Variants in SV2C observed in about 807,000 individuals in gnomAD.
SV2C encodes the protein solute carrier family 22 member B3.
SV2C carries 49 observed loss-of-function variants against 79.7 expected under a neutral mutation model. The observed-to-expected ratio is 0.61, with a 90% confidence interval of 0.49 to 0.78. The LOEUF is 0.78. Among genes scored for constraint, SV2C ranks in the 30% least tolerant of loss-of-function variants. The probability of loss-of-function intolerance (pLI) is 0.00; values close to 1 mark genes in which losing one functional copy is unlikely to be tolerated. For synonymous variants in SV2C, 334 were observed against 333.2 expected (o/e 1.00, Z -0.03); for missense variants, 833 against 912.9 (o/e 0.91, Z 1.13).
chr5:75,926,956 A>C, the SV2C span, among the ~76,000 whole-genome samples: 1 of 152,256 alleles, frequency 6.6e-6, no homozygotes, highest in East Asian at 1.9e-4. Context: ...TTTGAGGTTC[A>C]GAATGGGCTC....
chr5:76,032,422 A>G, the SV2C span, among the ~76,000 whole-genome samples: 4 of 151,526 alleles, frequency 2.6e-5, no homozygotes, highest in African/African-American at 4.9e-5. Context: ...AACAGTTCCC[A>G]GAGTGTGATG....
chr5:76,062,477 G>T, the SV2C span, among the ~76,000 whole-genome samples: 1 of 152,128 alleles, frequency 6.6e-6, no homozygotes, highest in African/African-American at 2.4e-5. Context: ...GCACCTTGAT[G>T]TTGGATTTTC....
intron 1 of SV2C, among the ~76,000 whole-genome samples, chr5:76,103,923 C>T (rs1045010158): frequency 3.9e-5 from 6 of 152,166 alleles, no homozygotes; most frequent in Non-Finnish European, 8.8e-5. Flanking sequence ...GAAAACAAAG[C>T]TACAGACCAA....
At chr5:76,251,047 T>G (rs576472282) in intron 4 of SV2C, among the ~76,000 whole-genome samples, 1 of 152,294 alleles carries the variant, frequency 6.6e-6, no homozygotes, top group East Asian at 1.9e-4. Context: ...TCAGGAGCAT[T>G]TCCCACATCT....
chr5:76,130,672 G>A (rs1370135083), intron 1 of SV2C, among the ~76,000 whole-genome samples: 1 of 152,102 alleles, frequency 6.6e-6, no homozygotes, highest in Non-Finnish European at 1.5e-5. Flanking sequence ...TTACCTTGAG[G>A]TCAGCCTGAA....
intron 3 of SV2C, among the ~76,000 whole-genome samples, chr5:76,196,827 A>G (rs530019419): frequency 7.2e-5 from 11 of 152,368 alleles, no homozygotes; most frequent in Admixed American, 5.2e-4. Flanking sequence ...TTAATTGCCA[A>G]TCTGGATTGA....
chr5:76,046,370 A>G, the SV2C span, among the ~76,000 whole-genome samples: 1 of 152,168 alleles, frequency 6.6e-6, no homozygotes, highest in Non-Finnish European at 1.5e-5. Flanking sequence ...GTGAATTCTG[A>G]AGGGGCTTCC....
intron 12 of SV2C, among the ~76,000 whole-genome samples, chr5:76,342,106 C>G (rs1037762748): frequency 1.3e-5 from 2 of 152,142 alleles, no homozygotes; most frequent in African/African-American, 4.8e-5. Flanking sequence ...GGGAGGGCCT[C>G]TGGCAGCCAG....
the SV2C span, among the ~76,000 whole-genome samples, chr5:75,858,243 T>C: frequency 6.6e-6 from 1 of 152,202 alleles, no homozygotes; most frequent in Non-Finnish European, 1.5e-5. Flanking sequence ...TGTGGGTCTA[T>C]TGTATATGGC....
At position 76,174,287 on chromosome 5, in the gene SV2C, C is replaced by A; in HGVS notation, c.581-20632C>A. 5.2e-6 allele frequency: 6 copies of A among 1,161,638 alleles called. No homozygotes were observed. In the Admixed American group the frequency reaches 1.2e-4, roughly 24 times the overall value. The allele number at this position is 1,161,638 out of a possible 1,614,324, so 72.0% of individuals were successfully genotyped here. On this transcript the variant is annotated intron_variant, in intron 2 of 12. Coordinates refer to ENST00000502798, the MANE Select transcript of SV2C (RefSeq NM_014979.4). ...GCTCCCCGCGGGTCGCTACTCTAGGCGCCACGGCGGTCCTGCCGCTGCCGC... is the reference window on the plus strand; with the variant it reads ...GCTCCCCGCGGGTCGCTACTCTAGGAGCCACGGCGGTCCTGCCGCTGCCGC...
the SV2C span, among the ~76,000 whole-genome samples, chr5:75,870,162 A>AC: frequency 1.3e-5 from 2 of 152,158 alleles, no homozygotes; most frequent in South Asian, 4.1e-4. Flanking sequence ...TGAACTAAAT[A>AC]AGGCACAAGG....
At chr5:76,154,153 T>G (rs992026566) in intron 2 of SV2C, among the ~76,000 whole-genome samples, 1 of 152,156 alleles carries the variant, frequency 6.6e-6, no homozygotes, top group African/African-American at 2.4e-5. Context: ...CATCTCCCAC[T>G]CATTGTCAAC....
At chr5:76,081,376 C>T (rs1746989089), upstream of SV2C, among the ~76,000 whole-genome samples, 1 of 152,156 alleles carries the variant, frequency 6.6e-6, no homozygotes, top group Non-Finnish European at 1.5e-5. Context: ...CAGTTGGAAG[C>T]TCAAATTTTT....
the SV2C span, among the ~76,000 whole-genome samples, chr5:75,867,569 A>T: frequency 6.6e-6 from 1 of 152,258 alleles, no homozygotes; most frequent in Non-Finnish European, 1.5e-5. Flanking sequence ...TCAGAGATAC[A>T]AATGCATAAT....
the SV2C span, among the ~76,000 whole-genome samples, chr5:75,945,893 C>T: frequency 6.6e-6 from 1 of 151,714 alleles, no homozygotes; most frequent in African/African-American, 2.4e-5. Context: ...AAAAAGAAAA[C>T]AAAACATATC....
chr5:76,325,100 C>T (rs1554048094), intron 12 of SV2C, among the ~76,000 whole-genome samples: 2 of 152,186 alleles, frequency 1.3e-5, no homozygotes, highest in Non-Finnish European at 2.9e-5. Flanking sequence ...AATTTTTTCT[C>T]TCTTTCTGTT....
chr5:75,950,260 GAATGA>G, the SV2C span, among the ~76,000 whole-genome samples: 2 of 151,952 alleles, frequency 1.3e-5, no homozygotes, highest in African/African-American at 4.8e-5. Context: ...AAACATAATT[GAATGA>G]AACGAAACCA....
chr5:76,194,817 A>T (rs1380276287), intron 2 of SV2C, 102 bp from the exon 3 acceptor site: 1 of 1,388,136 alleles, frequency 7.2e-7, no homozygotes, highest in Non-Finnish European at 9.8e-7. Context: ...AATTTTCCTC[A>T]TGCAAAATGC....
chr5:76,139,579 T>C (rs1288737938), intron 2 of SV2C, among the ~76,000 whole-genome samples: 1 of 152,196 alleles, frequency 6.6e-6, no homozygotes, highest in Non-Finnish European at 1.5e-5. Context: ...TTTAGTGTGC[T>C]GACATATCGG....
Sources: allele counts gnomAD v4.1 joint callset (sites outside exome capture counted in the v4.1 genomes callset), GRCh38; gene constraint gnomAD v4.1.1; transcripts MANE v1.5; gene names NCBI Gene and HGNC (gene_info 2026-07-23, HGNC 2026-07-21).